The following CHSY3 variants were observed in gnomAD, a reference collection of about 807,000 sequenced individuals.
CHSY3 encodes chondroitin sulfate synthase 3.
CHSY3 carries 35 observed loss-of-function variants against 67.2 expected under a neutral mutation model. That is an observed-to-expected ratio of 0.52 (90% CI 0.40 to 0.69). The LOEUF (loss-of-function observed/expected upper bound fraction) is 0.69. Among genes scored for constraint, CHSY3 ranks in the 30% least tolerant of loss-of-function variants. The pLI is 0.00. For synonymous variants in CHSY3, 474 were observed against 434.7 expected (o/e 1.09, Z -1.12); for missense variants, 1,069 against 1,138.5 (o/e 0.94, Z 0.88).
chr5:129,965,683 A>G (rs1213748206), intron 2 of CHSY3, among the ~76,000 whole-genome samples: 2 of 151,942 alleles, frequency 1.3e-5, no homozygotes, highest in Admixed American at 1.3e-4. Context: ...AATTTCTAAC[A>G]TATAATTGAT....
chr5:130,071,581 A>G (rs1179546242), intron 2 of CHSY3, among the ~76,000 whole-genome samples: 1 of 150,314 alleles, frequency 6.7e-6, no homozygotes, highest in Admixed American at 6.7e-5. Context: ...GTGTTTGTAT[A>G]CACATATCAC....
intron 2 of CHSY3, among the ~76,000 whole-genome samples, chr5:130,049,599 A>G (rs1314205683): frequency 3.9e-5 from 6 of 152,082 alleles, no homozygotes; most frequent in Admixed American, 1.3e-4. Flanking sequence ...TAGTAACAAG[A>G]TAAGCTCACT....
chr5:129,991,073 C>A (rs1330151060), intron 2 of CHSY3, among the ~76,000 whole-genome samples: 1 of 152,116 alleles, frequency 6.6e-6, no homozygotes, highest in Non-Finnish European at 1.5e-5. Context: ...ATCATTAGAA[C>A]TGAGTAAAAT....
intron 2 of CHSY3, among the ~76,000 whole-genome samples, chr5:129,966,455 G>T (rs190357656): frequency 5.3e-5 from 8 of 151,790 alleles, no homozygotes; most frequent in Admixed American, 5.3e-4. Context: ...GAAAATGGGG[G>T]CAATGTAAGA....
At chr5:130,074,457 A>C (rs558129257) in intron 2 of CHSY3, among the ~76,000 whole-genome samples, 3 of 152,312 alleles carry the variant, frequency 2.0e-5, no homozygotes, top group African/African-American at 7.2e-5. Flanking sequence ...TAAAACCGTT[A>C]AAACATAGGA....
At chr5:129,910,362 G>A (rs1339370179) in intron 2 of CHSY3, among the ~76,000 whole-genome samples, 1 of 151,848 alleles carries the variant, frequency 6.6e-6, no homozygotes, top group East Asian at 1.9e-4. Flanking sequence ...TGTTTTCCTA[G>A]CATTATAAAA....
At chr5:129,982,132 A>G (rs1377800284) in intron 2 of CHSY3, among the ~76,000 whole-genome samples, 2 of 152,042 alleles carry the variant, frequency 1.3e-5, no homozygotes, top group Non-Finnish European at 2.9e-5. Context: ...TGTACCATGC[A>G]TATTTTTTAC....
At chr5:130,123,149 T>A (rs993597497) in intron 2 of CHSY3, among the ~76,000 whole-genome samples, 3 of 151,974 alleles carry the variant, frequency 2.0e-5, no homozygotes, top group Non-Finnish European at 2.9e-5. Flanking sequence ...AAATAAGAGA[T>A]TAATTTTATA....
rs1164469435 is a variant in CHSY3 at position 130,184,505 on chromosome 5, T to C, written c.1363T>C (p.Phe455Leu). The C allele has an allele frequency of 1.2e-6, 2 of 1,611,852 alleles. No individual in the cohort carries two copies. The highest frequency in any genetic ancestry group is 2.2e-5 in the East Asian group (1 of 44,880). ...QLGVIPSFNH[F>L]QPRERNEVIE... ...GGGAGTGATACCTTCTTTCAACCACTTCCAGCCTCGGGAGAGAAATGAAGT... is the reference window on the plus strand; with the variant it reads ...GGGAGTGATACCTTCTTTCAACCACCTCCAGCCTCGGGAGAGAAATGAAGT... Residue 455 changes from phenylalanine (F) to leucine (L), a missense_variant, in exon 3 of 3, where the codon TTC (phenylalanine) becomes CTC (leucine). Transcript: ENST00000305031.
intron 2 of CHSY3, among the ~76,000 whole-genome samples, chr5:130,008,065 G>A (rs533962093): frequency 1.3e-5 from 2 of 152,324 alleles, no homozygotes; most frequent in South Asian, 4.1e-4. Context: ...TTCATCTGCA[G>A]CATCGCCCAC....
intron 2 of CHSY3, among the ~76,000 whole-genome samples, chr5:130,142,151 G>T (rs1246278242): frequency 1.3e-5 from 2 of 152,104 alleles, no homozygotes; most frequent in African/African-American, 4.8e-5. Flanking sequence ...AAGTGGAAAA[G>T]GTAATGTCTT....
rs550749819 is a variant in CHSY3 at position 130,159,574 on chromosome 5, CT to C, written c.1087-24648del. On this transcript the variant is annotated intron_variant, in intron 2 of 2. Transcript: ENST00000305031. ...CTTATTGTGCAGCCTCTTCTTACTG[CT>C]TTTTTTCATTTTTCCAATTGAGGCT... Among the ~76,000 whole-genome samples the C allele has an allele frequency of 7.2e-5, 11 of 152,170 alleles. No homozygotes were observed. In the South Asian group the frequency reaches 2.3e-3, roughly 32 times the overall value.
intron 2 of CHSY3, among the ~76,000 whole-genome samples, chr5:129,971,567 C>T (rs1049866410): frequency 6.6e-6 from 1 of 151,902 alleles, no homozygotes; most frequent in Non-Finnish European, 1.5e-5. Context: ...AAGTTAGTAT[C>T]ATGACCTCTA....
intron 2 of CHSY3, among the ~76,000 whole-genome samples, chr5:129,908,891 G>T (rs1760427957): frequency 6.6e-6 from 1 of 151,998 alleles, no homozygotes; most frequent in Non-Finnish European, 1.5e-5. Flanking sequence ...TATCATTTAT[G>T]GTAGATGTAT....
intron 2 of CHSY3, among the ~76,000 whole-genome samples, chr5:130,098,257 C>G (rs1477857619): frequency 1.3e-5 from 2 of 152,162 alleles, no homozygotes; most frequent in African/African-American, 2.4e-5. Context: ...AATCTGTTCT[C>G]TGCATCTATA....
intron 2 of CHSY3, among the ~76,000 whole-genome samples, chr5:130,089,995 T>G (rs940929792): frequency 3.9e-5 from 6 of 152,172 alleles, no homozygotes; most frequent in Non-Finnish European, 7.3e-5. Flanking sequence ...GAACGCATCT[T>G]TATTCTTTCA....
chr5:129,907,903 A>G (rs1561448877), intron 1 of CHSY3, among the ~76,000 whole-genome samples, 174 bp from the exon 2 acceptor site: 1 of 152,186 alleles, frequency 6.6e-6, no homozygotes, highest in Admixed American at 6.5e-5. Flanking sequence ...TAAATTAATA[A>G]CTATGAATTA....
chr5:129,957,867 T>A (rs1330733513), intron 2 of CHSY3, among the ~76,000 whole-genome samples: 2 of 152,056 alleles, frequency 1.3e-5, no homozygotes, highest in Non-Finnish European at 2.9e-5. Context: ...TATTGTTTCC[T>A]TGATTTTTTC....
chr5:130,111,763 A>G (rs921910782), intron 2 of CHSY3, among the ~76,000 whole-genome samples: 1 of 150,696 alleles, frequency 6.6e-6, no homozygotes, highest in East Asian at 1.9e-4. Context: ...GGTTAAAGTG[A>G]TTTTTTTTTT....
Sources: gnomAD v4.1 joint callset for allele counts (sites outside exome capture counted in the v4.1 genomes callset) on GRCh38, gnomAD v4.1.1 for gene constraint, MANE v1.5 for transcripts, NCBI Gene and HGNC (gene_info 2026-07-23, HGNC 2026-07-21) for gene names.